Variants in CSRP1 observed in about 807,000 individuals in gnomAD.
CSRP1 encodes cysteine and glycine rich protein 1, also known as cysteine and glycine-rich protein 1.
In CSRP1, 16 loss-of-function variants were observed where a neutral mutation model predicts 25.4. That is an observed-to-expected ratio of 0.63 (90% CI 0.43 to 0.96). The LOEUF is 0.96. CSRP1 is among the 40% of genes least tolerant of loss of function. CSRP1 has a pLI of 0.00. For missense variants in CSRP1, 212 were observed against 243.6 expected (o/e 0.87, Z 0.86); for synonymous variants, 97 against 95.3 (o/e 1.02, Z -0.10).
chr1:201,490,515 G>C, intron 2 of CSRP1, 171 bp from the exon 3 acceptor site: 1 of 613,582 alleles, frequency 1.6e-6, no homozygotes, highest in African/African-American at 1.8e-5. Flanking sequence ...TGGGTGGGAG[G>C]ACAGAGGGAT....
intron 1 of CSRP1, among the ~76,000 whole-genome samples, chr1:201,503,440 C>T (rs772829370): frequency 1.4e-4 from 22 of 152,188 alleles, no homozygotes; most frequent in Admixed American, 5.2e-4. Context: ...CACCAACACA[C>T]GCCACCCCTG....
chr1:201,490,365 C>T (rs774433304), intron 2 of CSRP1, 21 bp from the exon 3 acceptor site: 65 of 1,610,198 alleles, frequency 4.0e-5, no homozygotes, highest in Non-Finnish European at 4.8e-5. Context: ...GAAGGGGAAG[C>T]GGACGCATTG....
intron 2 of CSRP1, among the ~76,000 whole-genome samples, chr1:201,495,123 C>A (rs564772827): frequency 6.6e-6 from 1 of 152,342 alleles, no homozygotes; most frequent in East Asian, 1.9e-4. Flanking sequence ...TTGGCGGGCA[C>A]AGTGGCTCAC....
intron 2 of CSRP1, 22 bp downstream of exon 2, chr1:201,496,170 A>G (rs766923917): frequency 1.0e-5 from 16 of 1,596,716 alleles, no homozygotes; most frequent in Admixed American, 8.3e-5. Flanking sequence ...GGCAACAGCA[A>G]TAGGGCCTGG....
chr1:201,496,243 C>G lies in CSRP1; in HGVS notation c.61G>C (p.Glu21Gln), dbSNP rs1419789850. The change falls in exon 2 of 6, where the codon GAA becomes CAA. Residue 21 changes from glutamate to glutamine, a missense_variant. Physicochemically the swap from Glu to Gln is conservative, Grantham distance 29 (BLOSUM62 2). Transcript: ENST00000340006. ...GVCQKTVYFA[E>Q]EVQCEGNSFH... Reference sequence around the variant, plus strand: ...CTGTTGCCTTCGCACTGAACCTCTTCGGCAAAGTAAACCGTCTTCTGACAC... The same window carrying G: ...CTGTTGCCTTCGCACTGAACCTCTTGGGCAAAGTAAACCGTCTTCTGACAC... 3.1e-6 allele frequency: 5 copies of G among 1,614,082 alleles called. No homozygotes were observed. Among genetic ancestry groups the G allele is most frequent in the African/African-American group, 1.3e-5 (1 of 74,944 alleles).
Position 201,490,637 on chromosome 1 carries a change from G to A in CSRP1, c.113-293C>T, listed in dbSNP as rs892065841. 2.2e-5 allele frequency: 7 copies of A among 316,068 alleles called. No homozygotes were observed. The South Asian group carries it at 2.6e-4, about 12-fold the overall frequency. The allele number at this position is 316,068 out of a possible 1,614,324, so 19.6% of individuals were successfully genotyped here. A position where few individuals can be genotyped will look rare whatever the true frequency, so the allele number is the denominator to read the frequency against. ...CCCCTAAACTTCCTCAGGCTGCAGT[G>A]CAACACAGGGTTCAGAGGCAACAGC... On this transcript the variant is annotated intron_variant, in intron 2 of 5. Coordinates refer to ENST00000340006, the MANE Select transcript of CSRP1 (RefSeq NM_004078.3).
rs1176108124 is a variant in CSRP1 at position 201,488,771 on chromosome 1, T to C, written c.411+84A>G. On this transcript the variant is annotated intron_variant, in intron 4 of 5. Transcript: ENST00000340006. ...GTGCTCAGGCTGCCCTGAGCAGAGC[T>C]AGGTCACCAATTTAAAAGTTCTGGA... The C allele has an allele frequency of 7.8e-6, 12 of 1,538,808 alleles. No homozygotes were observed. The East Asian group carries it at 2.7e-4, about 35-fold the overall frequency.
At chr1:201,488,803 A>G in intron 4 of CSRP1, 52 bp downstream of exon 4, 1 of 1,599,734 alleles carries the variant, frequency 6.3e-7, no homozygotes, top group Non-Finnish European at 8.6e-7. Flanking sequence ...TGGAATCCAC[A>G]TTTCAGGAAG....
intron 4 of CSRP1, chr1:201,487,023 TA>T: frequency 7.8e-7 from 1 of 1,284,204 alleles, no homozygotes; most frequent in African/African-American, 1.5e-5. Context: ...TCCCTGAAAA[TA>T]AACAACAATA....
At chr1:201,493,216 C>G (rs557524194) in intron 2 of CSRP1, among the ~76,000 whole-genome samples, 1 of 152,306 alleles carries the variant, frequency 6.6e-6, no homozygotes, top group Admixed American at 6.5e-5. Context: ...GTCCCTGGTC[C>G]CAGGCCAAGC....
intron 3 of CSRP1, chr1:201,489,401 G>A (rs539241050): frequency 5.7e-5 from 10 of 174,598 alleles, no homozygotes; most frequent in Middle Eastern, 2.7e-3. Flanking sequence ...CCCCCAGGCC[G>A]AGGAGCAAGC....
At chr1:201,485,496 C>T (rs1312684642) in intron 4 of CSRP1, 120 bp from the exon 5 acceptor site, 10 of 852,872 alleles carry the variant, frequency 1.2e-5, no homozygotes, top group Non-Finnish European at 1.9e-5. Context: ...GAAGTCTACT[C>T]AGCTGGTGCT....
intron 4 of CSRP1, 190 bp downstream of exon 4, chr1:201,488,665 A>G (rs1664227307): frequency 3.6e-6 from 2 of 548,284 alleles, no homozygotes; most frequent in Admixed American, 3.2e-5. Context: ...GTTACTGCTC[A>G]TGGCTGATAT....
At chr1:201,494,869 T>TGC (rs1284582721) in intron 2 of CSRP1, among the ~76,000 whole-genome samples, 33 of 152,378 alleles carry the variant, frequency 2.2e-4, no homozygotes, top group African/African-American at 7.5e-4. Context: ...CATGTGTGTG[T>TGC]GCATATCATT....
At chr1:201,485,139 T>C in intron 5 of CSRP1, 144 bp downstream of exon 5, 6 of 770,272 alleles carry the variant, frequency 7.8e-6, no homozygotes, top group Admixed American at 2.1e-5. Context: ...TGTTTCCTCA[T>C]CTGTACAATG....
At chr1:201,505,597 G>T (rs1325508001) in intron 1 of CSRP1, among the ~76,000 whole-genome samples, 1 of 152,178 alleles carries the variant, frequency 6.6e-6, no homozygotes, top group Non-Finnish European at 1.5e-5. Context: ...TACACCCTCT[G>T]CAGGATAAAC....
chr1:201,489,176 G>C (rs891425448), intron 3 of CSRP1, 192 bp from the exon 4 acceptor site: 1 of 571,060 alleles, frequency 1.8e-6, no homozygotes, highest in Non-Finnish European at 3.0e-6. Context: ...TCAGCACAAT[G>C]TTATTTCCAT....
At chr1:201,488,220 TTGGGAACTG>T (rs767525680) in intron 4 of CSRP1, 1 of 152,172 alleles carries the variant, frequency 6.6e-6, no homozygotes, top group African/African-American at 2.4e-5. Flanking sequence ...ATCAGCTCAA[TTGGGAACTG>T]TTGATTTGCT....
chr1:201,499,497 A>G (rs1664603314), intron 1 of CSRP1, among the ~76,000 whole-genome samples: 1 of 152,198 alleles, frequency 6.6e-6, no homozygotes, highest in Admixed American at 6.5e-5. Context: ...ACAGACCCAC[A>G]CAAGCTCTCT....
Sources: gnomAD v4.1 joint callset for allele counts (sites outside exome capture counted in the v4.1 genomes callset) on GRCh38, gnomAD v4.1.1 for gene constraint, MANE v1.5 for transcripts, NCBI Gene and HGNC (gene_info 2026-07-23, HGNC 2026-07-21) for gene names.